Variants in COL28A1 observed in about 807,000 individuals in gnomAD.
COL28A1 encodes collagen alpha-1(XXVIII) chain.
In COL28A1, 161 loss-of-function variants were observed where a neutral mutation model predicts 150.2. That is an observed-to-expected ratio of 1.07 (90% confidence interval 0.94 to 1.22). COL28A1 has a LOEUF of 1.22. Among genes scored for constraint, COL28A1 ranks in the 50% most tolerant of loss-of-function variants. COL28A1 has a pLI of 0.00. For synonymous variants in COL28A1, 552 were observed against 469.7 expected (o/e 1.18, Z -2.26); for missense variants, 1,617 against 1,388.3 (o/e 1.16, Z -2.62).
At chr7:7,538,202 G>C (rs1046456203), upstream of COL28A1, among the ~76,000 whole-genome samples, 32 of 152,266 alleles carry the variant, frequency 2.1e-4, no homozygotes, top group African/African-American at 7.7e-4. Flanking sequence ...TTTGCACCCA[G>C]AGAAACAATG....
At chr7:7,348,471 C>T in the COL28A1 span, among the ~76,000 whole-genome samples, 1 of 150,360 alleles carries the variant, frequency 6.7e-6, no homozygotes. Context: ...CACTCTCACT[C>T]GCTCACTCTC....
At chr7:7,451,676 A>G (rs574853359) in intron 18 of COL28A1, among the ~76,000 whole-genome samples, 4 of 152,306 alleles carry the variant, frequency 2.6e-5, no homozygotes, top group African/African-American at 9.6e-5. Flanking sequence ...GTTTGTATAC[A>G]TACATACACA....
intron 27 of COL28A1, among the ~76,000 whole-genome samples, chr7:7,382,636 ATAAT>A (rs1208069688): frequency 6.6e-6 from 1 of 152,172 alleles, no homozygotes; most frequent in Non-Finnish European, 1.5e-5. Context: ...TTGACTCTGG[ATAAT>A]TATTAGTAAT....
rs572004579 is a variant in COL28A1, at chr7:7,367,142, C to T, written c.3066+3583G>A. ...CTTACCACTGTGTTACAGTTCCCTA[C>T]AGTAGTACAGTGATATGCTGTGCAG... On this transcript the variant is annotated intron_variant, in intron 33 of 34. Coordinates refer to ENST00000399429, the MANE Select transcript of COL28A1 (RefSeq NM_001037763.3). 1.0e-3 allele frequency among the ~76,000 whole-genome samples: 157 copies of T among 152,268 alleles called. 1 individual carries two copies. Among genetic ancestry groups the T allele is most frequent in the Non-Finnish European group, 1.7e-3 (119 of 68,026 alleles).
chr7:7,430,719 A>C (rs561759492), intron 25 of COL28A1, among the ~76,000 whole-genome samples: 1 of 152,340 alleles, frequency 6.6e-6, no homozygotes, highest in Non-Finnish European at 1.5e-5. Flanking sequence ...CTCACAGCGT[A>C]AGATAATGAG....
intron 14 of COL28A1, among the ~76,000 whole-genome samples, chr7:7,475,930 C>T (rs186352341): frequency 1.3e-5 from 2 of 152,218 alleles, no homozygotes; most frequent in East Asian, 1.9e-4. Flanking sequence ...TTAACAAGGG[C>T]GTCTTTTAAA....
chr7:7,487,750 T>A (rs1433468167), intron 13 of COL28A1, among the ~76,000 whole-genome samples: 1 of 152,174 alleles, frequency 6.6e-6, no homozygotes, highest in Non-Finnish European at 1.5e-5. Context: ...GGGCAAAATC[T>A]TTTTCTATTC....
intron 23 of COL28A1, among the ~76,000 whole-genome samples, chr7:7,434,174 T>A (rs1041721637): frequency 1.3e-5 from 2 of 152,212 alleles, no homozygotes; most frequent in Non-Finnish European, 2.9e-5. Context: ...AGAATGATCA[T>A]CTTTAGGAAA....
chr7:7,381,648 T>G, intron 27 of COL28A1, 36 bp from the exon 28 acceptor site: 93 of 1,480,162 alleles, frequency 6.3e-5, no homozygotes, highest in Non-Finnish European at 7.9e-5. Context: ...TTCTATTAAT[T>G]TCCCAGGATA....
At chr7:7,528,398 T>C (rs1782149162) in intron 3 of COL28A1, among the ~76,000 whole-genome samples, 1 of 152,186 alleles carries the variant, frequency 6.6e-6, no homozygotes, top group Admixed American at 6.5e-5. Context: ...TAAGTCTCTT[T>C]TGAGTAATTC....
At position 7,490,649 on chromosome 7, in the gene COL28A1, G is replaced by C. The variant is rs373888682; in HGVS notation, c.1027-3C>G. On this transcript the variant is annotated splice_polypyrimidine_tract_variant and splice_region_variant and intron_variant, in intron 11 of 34. Coordinates refer to ENST00000399429, the MANE Select transcript of COL28A1 (RefSeq NM_001037763.3). Reference sequence around the variant, plus strand: ...GGACCAGGAGGACCTGGCTCACCCTGGAGGAAGAAATAGTGACATCAGTTA... The same window carrying C: ...GGACCAGGAGGACCTGGCTCACCCTCGAGGAAGAAATAGTGACATCAGTTA... 44 of 1,213,022 alleles carry C rather than the reference G, an allele frequency of 3.6e-5. No homozygotes were observed. In the African/African-American group the frequency reaches 5.2e-4, roughly 14 times the overall value. The allele number at this position is 1,213,022 out of a possible 1,614,324, so 75.1% of individuals were successfully genotyped here.
downstream of COL28A1, among the ~76,000 whole-genome samples, chr7:7,357,342 G>A (rs188512792): frequency 6.6e-4 from 101 of 152,216 alleles, no homozygotes; most frequent in African/African-American, 2.4e-3. Flanking sequence ...GAGCCACGGC[G>A]CCCAGCTGAG....
chr7:7,369,678 T>C (rs1354595634), intron 33 of COL28A1, among the ~76,000 whole-genome samples: 3 of 152,224 alleles, frequency 2.0e-5, no homozygotes, highest in African/African-American at 7.2e-5. Flanking sequence ...GTGAGTTCTA[T>C]AGCCTGTGCC....
At chr7:7,517,379 G>A (rs1781473465) in intron 7 of COL28A1, among the ~76,000 whole-genome samples, 1 of 152,150 alleles carries the variant, frequency 6.6e-6, no homozygotes, top group Non-Finnish European at 1.5e-5. Context: ...TGGGGTATAA[G>A]AAATCAAATA....
At chr7:7,506,095 G>C (rs1780794029) in intron 10 of COL28A1, 28 bp from the exon 11 acceptor site, 1 of 1,143,026 alleles carries the variant, frequency 8.7e-7, no homozygotes, top group African/African-American at 1.5e-5. Flanking sequence ...CCAAGAATTA[G>C]TTCTGTGTAC....
At chr7:7,350,655 CTTT>C in the COL28A1 span, among the ~76,000 whole-genome samples, 7 of 115,066 alleles carry the variant, frequency 6.1e-5, no homozygotes, top group Non-Finnish European at 8.5e-5. Context: ...GTTTTCTTTC[CTTT>C]TTTTTTTTTT....
chr7:7,494,388 T>C (rs1007788920), intron 11 of COL28A1, among the ~76,000 whole-genome samples: 1 of 152,154 alleles, frequency 6.6e-6, no homozygotes, highest in South Asian at 2.1e-4. Context: ...GAAAAAACCA[T>C]GGCTTTGAAT....
intron 15 of COL28A1, among the ~76,000 whole-genome samples, chr7:7,459,541 A>C (rs1401120361): frequency 1.3e-5 from 2 of 152,146 alleles, no homozygotes; most frequent in Admixed American, 1.3e-4. Context: ...TATATAAATG[A>C]CTCCAAATTG....
chr7:7,420,477 G>A (rs1784337641), intron 25 of COL28A1, among the ~76,000 whole-genome samples: 1 of 152,236 alleles, frequency 6.6e-6, no homozygotes, highest in Non-Finnish European at 1.5e-5. Context: ...GAGGGTAGGT[G>A]ACGCCCTGTG....
Sources: gnomAD v4.1 joint callset for allele counts (sites outside exome capture counted in the v4.1 genomes callset) on GRCh38, gnomAD v4.1.1 for gene constraint, MANE v1.5 for transcripts, NCBI Gene and HGNC (gene_info 2026-07-23, HGNC 2026-07-21) for gene names.